The following GDAP1 variants were observed in gnomAD, a reference collection of about 807,000 sequenced individuals.
GDAP1 encodes ganglioside-induced differentiation-associated protein 1.
In GDAP1, 34 loss-of-function variants were observed where a neutral mutation model predicts 40.1. That is an observed-to-expected ratio of 0.85 (90% CI 0.64 to 1.13). The LOEUF is 1.13. Ranked by LOEUF, GDAP1 falls within the 50% of genes most tolerant of loss-of-function variation. GDAP1 has a pLI of 0.00. For missense variants in GDAP1, 374 were observed against 433.7 expected (o/e 0.86, Z 1.22); for synonymous variants, 170 against 157.4 (o/e 1.08, Z -0.60).
In GDAP1 at chr8:74,363,884, C is replaced by G; in HGVS notation, c.695-101C>G. On this transcript the variant is annotated intron_variant, in intron 5 of 5. Transcript: ENST00000220822. The stretch of plus-strand genomic sequence containing the variant: ...AATATATAATGTCCTTCATCTTTTG[C>G]TATACTCACACTCACCCTTAAGGGT... 5.6e-6 allele frequency: 5 copies of G among 899,070 alleles called. No homozygotes were observed. In the South Asian group the frequency reaches 6.6e-5, roughly 12 times the overall value. The allele number at this position is 899,070 out of a possible 1,614,324, so 55.7% of individuals were successfully genotyped here.
In GDAP1 at chr8:74,454,533, T is replaced by C. The variant is rs1806313359; in HGVS notation, c.166-34145T>C. On this transcript the variant is annotated intron_variant, in intron 2 of 2. Coordinates refer to the GDAP1 transcript ENST00000523640. ...CGCATATGAAACTGACCTCAACCAA[T>C]GGTTGAAAGATGGGGGACAGGCTAC... Among the ~76,000 whole-genome samples, 2 of 83,380 alleles carry C rather than the reference T, an allele frequency of 2.4e-5. 1 individual carries two copies. The highest frequency in any genetic ancestry group is 4.9e-5 in the Non-Finnish European group (2 of 40,928). 54.7% of individuals were successfully genotyped at this position (83,380 alleles called of 152,430 possible). A position where few individuals can be genotyped will look rare whatever the true frequency, so the allele number is the denominator to read the frequency against.
intron 2 of GDAP1, among the ~76,000 whole-genome samples, chr8:74,389,156 T>C (rs1271467391): frequency 6.6e-6 from 1 of 152,196 alleles, no homozygotes; most frequent in Non-Finnish European, 1.5e-5. Context: ...GTGTCTTTAA[T>C]TGAGGCATTT....
At chr8:74,388,116 A>G (rs1332774615) in intron 2 of GDAP1, among the ~76,000 whole-genome samples, 2 of 152,020 alleles carry the variant, frequency 1.3e-5, no homozygotes, top group African/African-American at 4.8e-5. Flanking sequence ...TAATCTTTTC[A>G]AAAAACCAGC....
chr8:74,351,591 A>C (rs1808879344), intron 2 of GDAP1, 125 bp downstream of exon 2: 4 of 830,528 alleles, frequency 4.8e-6, no homozygotes, highest in Non-Finnish European at 8.4e-6. Context: ...GGGATTAAAA[A>C]CCTTTTCCAT....
Position 74,364,598 on chromosome 8 carries a change from G to C in GDAP1, c.*231G>C, listed in dbSNP as rs1809534910. The C allele has an allele frequency of 1.5e-6, 1 of 654,650 alleles. No homozygotes were observed. The highest frequency in any genetic ancestry group is 2.1e-5 in the Admixed American group (1 of 48,490). 40.6% of individuals were successfully genotyped at this position (654,650 alleles called of 1,614,324 possible). A position where few individuals can be genotyped will look rare whatever the true frequency, so the allele number is the denominator to read the frequency against. ...ATAGGAAGGCAAAGAGATAAGAGAA[G>C]GAAAAATGAGAGAATGAAGTCTGTA... On this transcript the variant is annotated 3_prime_UTR_variant, in exon 6 of 6. Coordinates refer to ENST00000220822, the MANE Select transcript of GDAP1 (RefSeq NM_018972.4).
chr8:74,457,181 A>G (rs1217320739), intron 2 of GDAP1, among the ~76,000 whole-genome samples: 1 of 152,072 alleles, frequency 6.6e-6, no homozygotes, highest in Non-Finnish European at 1.5e-5. Context: ...CAAGTGTTTG[A>G]GGAGGCTGAG....
intron 2 of GDAP1, among the ~76,000 whole-genome samples, chr8:74,429,746 T>C (rs1179542843): frequency 6.6e-6 from 1 of 152,104 alleles, no homozygotes; most frequent in African/African-American, 2.4e-5. Context: ...GTACTGGGGG[T>C]GTGGATTCCA....
At chr8:74,422,352 C>CTTCCCTTCCTTCCTT (rs1563465558) in intron 2 of GDAP1, among the ~76,000 whole-genome samples, 3 of 34,194 alleles carry the variant, frequency 8.8e-5, no homozygotes, top group African/African-American at 2.1e-4. Flanking sequence ...TTTCTTTCTT[C>CTTCCCTTCCTTCCTT]CCTTCCTTCC....
chr8:74,393,022 A>G (rs185694933), intron 2 of GDAP1, among the ~76,000 whole-genome samples: 1 of 152,350 alleles, frequency 6.6e-6, no homozygotes, highest in Admixed American at 6.5e-5. Flanking sequence ...ATTTTATGCT[A>G]ATATTTTGTG....
chr8:74,374,332 G>C (rs1430916069), intron 2 of GDAP1, among the ~76,000 whole-genome samples: 1 of 152,148 alleles, frequency 6.6e-6, no homozygotes, highest in Non-Finnish European at 1.5e-5. Context: ...AGAAGGAATG[G>C]TACCAGCTCT....
rs1025272910 is a variant in GDAP1 at position 74,364,677 on chromosome 8, C to A, written c.*310C>A. ...GGGTGCCTCCAACGTTCATGGCTGCCTGTCTCATTGGTAAACCTCACATTT... is the reference window on the plus strand; with the variant it reads ...GGGTGCCTCCAACGTTCATGGCTGCATGTCTCATTGGTAAACCTCACATTT... On this transcript the variant is annotated 3_prime_UTR_variant, in exon 6 of 6. Coordinates refer to ENST00000220822, the MANE Select transcript of GDAP1 (RefSeq NM_018972.4). 7.9e-6 allele frequency: 4 copies of A among 503,954 alleles called. No individual in the cohort carries two copies. The highest frequency in any genetic ancestry group is 5.8e-5 in the African/African-American group (3 of 52,084). 31.2% of individuals were successfully genotyped at this position (503,954 alleles called of 1,614,324 possible).
In GDAP1 at chr8:74,474,581, A is replaced by G. The variant is rs143620094; in HGVS notation, c.166-14097A>G. On this transcript the variant is annotated intron_variant, in intron 2 of 2. Coordinates refer to the GDAP1 transcript ENST00000523640. ...GGTTTTTGTTGTTAGTTCTGTTTAT[A>G]TGATGAATCACATTAATTGATTTGT... Among the ~76,000 whole-genome samples the G allele has an allele frequency of 8.7e-3, 1,329 of 152,268 alleles. 3 individuals are homozygous for G. Among genetic ancestry groups the G allele is most frequent in the Non-Finnish European group, 0.014 (941 of 68,012 alleles).
At chr8:74,428,019 C>T (rs933117503) in intron 2 of GDAP1, among the ~76,000 whole-genome samples, 10 of 151,966 alleles carry the variant, frequency 6.6e-5, no homozygotes, top group African/African-American at 2.2e-4. Context: ...CTTCTAAATC[C>T]CCAGAGACAA....
intron 2 of GDAP1, among the ~76,000 whole-genome samples, chr8:74,382,153 G>T (rs892671754): frequency 6.6e-6 from 1 of 151,916 alleles, no homozygotes; most frequent in Admixed American, 6.6e-5. Flanking sequence ...TTATGGATGC[G>T]CAAATTGTCC....
In GDAP1 at chr8:74,484,470, A is replaced by C. The variant is rs146925596; in HGVS notation, c.166-4208A>C. 8.5e-5 allele frequency among the ~76,000 whole-genome samples: 13 copies of C among 152,334 alleles called. No individual in the cohort carries two copies. In the East Asian group the frequency reaches 2.5e-3, roughly 29 times the overall value. The stretch of plus-strand genomic sequence containing the variant: ...CGGAAAATAATGACAACTAAACATC[A>C]CAGAACACATTGCTGATTCTGCAAT... On this transcript the variant is annotated intron_variant, in intron 2 of 2. Coordinates refer to the GDAP1 transcript ENST00000523640.
intron 2 of GDAP1, among the ~76,000 whole-genome samples, chr8:74,461,994 A>C (rs1322353821): frequency 6.6e-6 from 1 of 152,246 alleles, no homozygotes; most frequent in African/African-American, 2.4e-5. Context: ...ATGAAATCAT[A>C]GTATCACTGA....
At chr8:74,446,870 A>C (rs1329125510) in intron 2 of GDAP1, among the ~76,000 whole-genome samples, 1 of 152,110 alleles carries the variant, frequency 6.6e-6, no homozygotes, top group Non-Finnish European at 1.5e-5. Context: ...ATTCATAGAG[A>C]CAGAAAGTAG....
At position 74,364,721 on chromosome 8, in the gene GDAP1, C is replaced by G. The variant is rs1809540231; in HGVS notation, c.*354C>G. 6.4e-6 allele frequency: 3 copies of G among 470,464 alleles called. No homozygotes were observed. The highest frequency in any genetic ancestry group is 4.6e-5 in the South Asian group (3 of 64,638). 29.1% of individuals were successfully genotyped at this position (470,464 alleles called of 1,614,324 possible). A position where few individuals can be genotyped will look rare whatever the true frequency, so the allele number is the denominator to read the frequency against. On this transcript the variant is annotated 3_prime_UTR_variant, in exon 6 of 6. Coordinates refer to ENST00000220822, the MANE Select transcript of GDAP1 (RefSeq NM_018972.4). ...CACATTTAGTTACTTGTGGCTACTG[C>G]CCACACATACACTTCTGTAATTGAG...
At chr8:74,437,238 T>C (rs960211067) in intron 2 of GDAP1, among the ~76,000 whole-genome samples, 2 of 152,226 alleles carry the variant, frequency 1.3e-5, no homozygotes, top group African/African-American at 4.8e-5. Flanking sequence ...GTCTGAGATC[T>C]TAGAGATTAC....
Sources: allele counts gnomAD v4.1 joint callset (sites outside exome capture counted in the v4.1 genomes callset), GRCh38; gene constraint gnomAD v4.1.1; transcripts MANE v1.5; gene names NCBI Gene and HGNC (gene_info 2026-07-23, HGNC 2026-07-21).